PCDHGB7: variants seen among roughly 807,000 people sequenced by gnomAD.
PCDHGB7 encodes protocadherin gamma-B7.
PCDHGB7 carries 37 observed loss-of-function variants against 61.4 expected under a neutral mutation model. The ratio of observed to expected loss-of-function variants is 0.60; its 90% CI spans 0.46 to 0.79. PCDHGB7 has a LOEUF of 0.79. PCDHGB7 is among the 30% of genes least tolerant of loss of function. The probability of loss-of-function intolerance (pLI) is 0.00; values close to 1 mark genes in which losing one functional copy is unlikely to be tolerated. For missense variants in PCDHGB7, 1,166 were observed against 1,202.5 expected (o/e 0.97, Z 0.45); for synonymous variants, 464 against 503.5 (o/e 0.92, Z 1.05).
At chr5:141,421,781 G>A (rs1482347889) in intron 1 of PCDHGB7, 1 of 1,613,856 alleles carries the variant, frequency 6.2e-7, no homozygotes, top group Non-Finnish European at 8.5e-7. Context: ...CAACTGCGGG[G>A]CAGAACGGAT....
In PCDHGB7 at chr5:141,503,243, C is replaced by T. The variant is rs146741382; in HGVS notation, c.2475-2150C>T. Among the ~76,000 whole-genome samples the T allele has an allele frequency of 3.1e-4, 47 of 152,198 alleles. No individual in the cohort carries two copies. The East Asian group carries it at 8.9e-3, about 29-fold the overall frequency. ...CACCGTAAAGATGGACAGTTTCTAT[C>T]ATACTCACAGCCACAACCCCAGCAC... On this transcript the variant is annotated intron_variant, in intron 2 of 3. Coordinates refer to ENST00000398594, the MANE Select transcript of PCDHGB7 (RefSeq NM_018927.4).
At position 141,428,042 on chromosome 5, in the gene PCDHGB7, G is replaced by A; in HGVS notation, c.2415+7768G>A. The A allele has an allele frequency of 1.9e-6, 3 of 1,608,716 alleles. No individual in the cohort carries two copies. The South Asian group carries it at 3.3e-5, about 18-fold the overall frequency. On this transcript the variant is annotated intron_variant, in intron 1 of 3. Transcript: ENST00000398594. ...GCGCCGCAGAGTCCGGCTACCTGGT[G>A]ACCAAGGTGGTGGCGGTGGACGCAG...
intron 1 of PCDHGB7, among the ~76,000 whole-genome samples, chr5:141,472,527 G>A (rs905459978): frequency 1.3e-5 from 2 of 151,468 alleles, no homozygotes; most frequent in African/African-American, 4.9e-5. Flanking sequence ...GTGACAGAGT[G>A]AGACACCATC....
chr5:141,504,180 A>G (rs1195970606), intron 2 of PCDHGB7, among the ~76,000 whole-genome samples: 1 of 152,236 alleles, frequency 6.6e-6, no homozygotes, highest in Non-Finnish European at 1.5e-5. Context: ...ATTCAAAAAA[A>G]TCATGAAAAT....
intron 1 of PCDHGB7, among the ~76,000 whole-genome samples, chr5:141,459,721 T>C (rs2098973915): frequency 6.6e-6 from 1 of 152,246 alleles, no homozygotes. Context: ...CAATGCTTCC[T>C]ATTGTCAATT....
In PCDHGB7 at chr5:141,419,371, C is replaced by T. The variant is rs751971270; in HGVS notation, c.1512C>T (p.Tyr504=). 4 of 1,613,662 alleles carry T rather than the reference C, an allele frequency of 2.5e-6. No individual in the cohort carries two copies. Among genetic ancestry groups the T allele is most frequent in the Non-Finnish European group, 8.5e-7 (1 of 1,179,912 alleles). ...SDLESRTLSS[Y]VSVSAQSGVV... is the part of the protein sequence containing the mutation. ...TGGAGTCACGAACGCTGTCGTCCTA[C>T]GTGTCCGTGAGCGCGCAGAGCGGGG... Residue 504 remains tyrosine, a synonymous_variant, in exon 1 of 4, where the codon TAC becomes TAT. Transcript: ENST00000398594.
intron 1 of PCDHGB7, chr5:141,479,209 A>T (rs1314929824): frequency 6.6e-6 from 1 of 152,432 alleles, no homozygotes; most frequent in African/African-American, 2.4e-5. Context: ...AAAAGTATTT[A>T]AAAAATTAAA....
At chr5:141,421,469 G>A in intron 1 of PCDHGB7, 1 of 1,614,122 alleles carries the variant, frequency 6.2e-7, no homozygotes, top group Non-Finnish European at 8.5e-7. Flanking sequence ...GTGAATCCGC[G>A]AAGCGGCAGC....
intron 1 of PCDHGB7, among the ~76,000 whole-genome samples, chr5:141,472,869 C>T (rs919331906): frequency 6.6e-6 from 1 of 151,388 alleles, no homozygotes; most frequent in Non-Finnish European, 1.5e-5. Context: ...GCCTGTATTC[C>T]CAGCTACTCG....
At position 141,489,599 on chromosome 5, in the gene PCDHGB7, A is replaced by T; in HGVS notation, c.2416-5208A>T. The T allele has an allele frequency of 6.2e-7, 1 of 1,614,020 alleles. No homozygotes were observed. The highest frequency in any genetic ancestry group is 8.5e-7 in the Non-Finnish European group (1 of 1,179,970). On this transcript the variant is annotated intron_variant, in intron 1 of 3. Coordinates refer to ENST00000398594, the MANE Select transcript of PCDHGB7 (RefSeq NM_018927.4). This position sits in a 1 kb window ranked among gnomAD's most constrained non-coding sequence, Gnocchi z 4.5. ...CACCCCCTGGAGCTAATCCGTGTAGAGGTAGAGATCCTGGATCTCAATGAC... is the reference window on the plus strand; with the variant it reads ...CACCCCCTGGAGCTAATCCGTGTAGTGGTAGAGATCCTGGATCTCAATGAC...
chr5:141,422,975 C>T (rs751065595), intron 1 of PCDHGB7: 130 of 1,614,092 alleles, frequency 8.1e-5, no homozygotes, highest in Non-Finnish European at 1.0e-4. Context: ...CCCCGCTCTG[C>T]GGAACCTGGC....
At chr5:141,481,813 G>C (rs185558948) in intron 1 of PCDHGB7, among the ~76,000 whole-genome samples, 1 of 151,824 alleles carries the variant, frequency 6.6e-6, no homozygotes, top group African/African-American at 2.4e-5. Flanking sequence ...TTCACCAGGC[G>C]TGGTGGCTGA....
intron 1 of PCDHGB7, chr5:141,475,850 G>A (rs2099376325): frequency 1.9e-5 from 9 of 464,524 alleles, no homozygotes; most frequent in Middle Eastern, 5.9e-4. Context: ...AGAGAGCCCG[G>A]CGCTAGCTCA....
At chr5:141,500,959 C>T (rs2099804326) in intron 2 of PCDHGB7, among the ~76,000 whole-genome samples, 1 of 152,022 alleles carries the variant, frequency 6.6e-6, no homozygotes, top group South Asian at 2.1e-4. Flanking sequence ...AGCTCCACCT[C>T]CTGGGTTCAA....
chr5:141,465,801 C>T (rs1380215288), intron 1 of PCDHGB7, among the ~76,000 whole-genome samples: 2 of 151,400 alleles, frequency 1.3e-5, no homozygotes, highest in Non-Finnish European at 2.9e-5. Context: ...TTAAGAAACC[C>T]TTCAGGATCT....
rs1439385565 is a variant in PCDHGB7 at position 141,417,828 on chromosome 5, A to G, written c.-32A>G. 1 of 1,521,792 alleles carries G rather than the reference A, an allele frequency of 6.6e-7. No homozygotes were observed. Among genetic ancestry groups the G allele is most frequent in the Non-Finnish European group, 8.8e-7 (1 of 1,131,746 alleles). The allele number at this position is 1,521,792 out of a possible 1,614,324, so 94.3% of individuals were successfully genotyped here. ...TAGAGTGCACTTTCTCCAACTGGAAAAGCGGGGACCCAGCGAGAACCCGAG... is the reference window on the plus strand; with the variant it reads ...TAGAGTGCACTTTCTCCAACTGGAAGAGCGGGGACCCAGCGAGAACCCGAG... On this transcript the variant is annotated 5_prime_UTR_variant, in exon 1 of 4. Coordinates refer to ENST00000398594, the MANE Select transcript of PCDHGB7 (RefSeq NM_018927.4).
At chr5:141,426,492 T>A (rs1439487321) in intron 1 of PCDHGB7, 11 of 336,712 alleles carry the variant, frequency 3.3e-5, no homozygotes, top group South Asian at 2.6e-4. Flanking sequence ...TTAGAGTTAG[T>A]GCAGAGAAAC....
At chr5:141,496,639 C>T (rs752903356) in intron 2 of PCDHGB7, among the ~76,000 whole-genome samples, 1 of 152,222 alleles carries the variant, frequency 6.6e-6, no homozygotes, top group Non-Finnish European at 1.5e-5. Context: ...TTGGGCTGCC[C>T]TTGCCCTTCC....
rs1199756501 is a variant in PCDHGB7 at position 141,493,222 on chromosome 5, C to A, written c.2416-1585C>A. Among the ~76,000 whole-genome samples the A allele has an allele frequency of 6.6e-6, 1 of 152,194 alleles. No individual in the cohort carries two copies. Among genetic ancestry groups the A allele is most frequent in the East Asian group, 1.9e-4 (1 of 5,196 alleles). ...ACCTCATCTCATTTGCTCTTCCCAC[C>A]ATTGCTGTTGGCTAGGTACTAACAT... On this transcript the variant is annotated intron_variant, in intron 1 of 3. Coordinates refer to ENST00000398594, the MANE Select transcript of PCDHGB7 (RefSeq NM_018927.4). This position sits in a 1 kb window ranked among gnomAD's most constrained non-coding sequence, Gnocchi z 4.3.
Sources: allele counts gnomAD v4.1 joint callset (sites outside exome capture counted in the v4.1 genomes callset), GRCh38; gene constraint gnomAD v4.1.1; non-coding constraint Gnocchi (gnomAD v3.1); transcripts MANE v1.5; gene names NCBI Gene and HGNC (gene_info 2026-07-23, HGNC 2026-07-21).